HOXA2: variants seen among roughly 807,000 people sequenced by gnomAD.
HOXA2 encodes the protein homeobox A2.
HOXA2 carries 4 observed loss-of-function variants against 27.2 expected under a neutral mutation model. The ratio of observed to expected loss-of-function variants is 0.15; its 90% CI spans 0.07 to 0.34. HOXA2 has a LOEUF of 0.34. HOXA2 is among the 10% of genes least tolerant of loss of function. The pLI, the probability that HOXA2 is intolerant of heterozygous loss-of-function variation, is 1.00. For synonymous variants in HOXA2, 200 were observed against 202.8 expected (o/e 0.99, Z 0.12); for missense variants, 430 against 473.2 (o/e 0.91, Z 0.85).
At position 27,102,048 on chromosome 7, in the gene HOXA2, C is replaced by G; in HGVS notation, c.391+62G>C. The G allele has an allele frequency of 6.3e-7, 1 of 1,595,458 alleles. No individual in the cohort carries two copies. The highest frequency in any genetic ancestry group is 8.5e-7 in the Non-Finnish European group (1 of 1,173,398). ...ACTCTCCCCTCCCCCCACAGCCACT[C>G]TCGGGGCAGCCCGGAGAAGGAAGAG... On this transcript the variant is annotated intron_variant, in intron 1 of 1. Coordinates refer to ENST00000222718, the MANE Select transcript of HOXA2 (RefSeq NM_006735.4). The surrounding 1 kb of genome is among the most constrained non-coding windows in gnomAD (Gnocchi z 4.6).
rs776564857 is a variant in HOXA2, at chr7:27,102,132, G to A, written c.369C>T (p.Gly123=). The A allele has an allele frequency of 1.2e-6, 2 of 1,600,368 alleles. No homozygotes were observed. Among genetic ancestry groups the A allele is most frequent in the African/African-American group, 2.7e-5 (2 of 74,884 alleles). ...GACCTTTGTGGCTGAGGCAAGCAGG[G>A]CCGGTGGCTGCGGCGGTGGCGGCGG... ...AAAAATAAAT[G]PACLSHKESL... Residue 123 remains glycine, a synonymous_variant, in exon 1 of 2, where the codon GGC becomes GGT. Coordinates refer to ENST00000222718, the MANE Select transcript of HOXA2 (RefSeq NM_006735.4). The surrounding 1 kb of genome is among the most constrained non-coding windows in gnomAD (Gnocchi z 4.6).
chr7:27,101,040 G>T lies in HOXA2; in HGVS notation c.817C>A (p.Pro273Thr). ...TCATTGCTGGTTAAAGGCGAGACTGGGAAACTTTGGGAGTCGCCATTGTGT... is the reference window on the plus strand; with the variant it reads ...TCATTGCTGGTTAAAGGCGAGACTGTGAAACTTTGGGAGTCGCCATTGTGT... ...NGHNGDSQSF[P>T]VSPLTSNEKN... Residue 273 changes from proline to threonine, a missense_variant, in exon 2 of 2, where the codon CCA (proline) becomes ACA (threonine). Pro to Thr is a conservative substitution (Grantham distance 38). Transcript: ENST00000222718. 6.2e-7 allele frequency: 1 copy of T among 1,614,212 alleles called. No individual in the cohort carries two copies. Among genetic ancestry groups the T allele is most frequent in the Non-Finnish European group, 8.5e-7 (1 of 1,180,042 alleles).
rs1783905558 is a variant in HOXA2 at position 27,100,408 on chromosome 7, C to T, written c.*318G>A. The T allele has an allele frequency of 3.2e-5, 10 of 314,898 alleles. No individual in the cohort carries two copies. In the South Asian group the frequency reaches 3.6e-4, roughly 11 times the overall value. The allele number at this position is 314,898 out of a possible 1,614,324, so 19.5% of individuals were successfully genotyped here. A position where few individuals can be genotyped will look rare whatever the true frequency, so the allele number is the denominator to read the frequency against. The stretch of plus-strand genomic sequence containing the variant: ...AAAAAATATGCATGACAATGCATCC[C>T]AATGTAATACAAAAATAAAAAGAAA... On this transcript the variant is annotated 3_prime_UTR_variant, in exon 2 of 2. Transcript: ENST00000222718.
chr7:27,100,638 T>C lies in HOXA2; in HGVS notation c.*88A>G. 1.4e-6 allele frequency: 2 copies of C among 1,457,620 alleles called. No homozygotes were observed. 90.3% of individuals were successfully genotyped at this position (1,457,620 alleles called of 1,614,324 possible). A position where few individuals can be genotyped will look rare whatever the true frequency, so the allele number is the denominator to read the frequency against. ...GGGAAGGGGTAGGTCAAGAAGAAAA[T>C]AAAAAATAAACTCCCAAATAAAAGA... On this transcript the variant is annotated 3_prime_UTR_variant, in exon 2 of 2. Coordinates refer to ENST00000222718, the MANE Select transcript of HOXA2 (RefSeq NM_006735.4).
Position 27,102,311 on chromosome 7 carries a change from G to A in HOXA2, c.190C>T (p.His64Tyr). Reference protein sequence around the residue: ...QTIPSLNPGSHPRHGAGGRPK... With the variant: ...QTIPSLNPGSYPRHGAGGRPK... The stretch of plus-strand genomic sequence containing the variant: ...CGGCCGCCAGCGCCGTGGCGAGGGT[G>A]ACTGCCGGGGTTCAGGCTGGGAATG... Residue 64 changes from histidine to tyrosine, a missense_variant, in exon 1 of 2, where the codon CAC becomes TAC. Transcript: ENST00000222718. The surrounding 1 kb of genome is among the most constrained non-coding windows in gnomAD (Gnocchi z 4.6). 6.2e-7 allele frequency: 1 copy of A among 1,612,586 alleles called. No individual in the cohort carries two copies. The highest frequency in any genetic ancestry group is 8.5e-7 in the Non-Finnish European group (1 of 1,179,226).
rs760763670 is a variant in HOXA2 at position 27,101,215 on chromosome 7, A to G, written c.642T>C (p.Cys214=). Residue 214 remains cysteine, a synonymous_variant, in exon 2 of 2, where the codon TGT becomes TGC. Coordinates refer to ENST00000222718, the MANE Select transcript of HOXA2 (RefSeq NM_006735.4). The part of the protein sequence containing the change: ...CKENQNSEGK[C]KSLEDSEKVE... ...CTTTCTCGGAGTCCTCAAGGCTTTT[A>G]CATTTCCCTTCGCTGTTTTGGTTTT... 2 of 1,614,102 alleles carry G rather than the reference A, an allele frequency of 1.2e-6. No individual in the cohort carries two copies. The highest frequency in any genetic ancestry group is 4.5e-5 in the East Asian group (2 of 44,880).
chr7:27,102,623 A>G lies in HOXA2; in HGVS notation c.-123T>C. 1.1e-6 allele frequency: 1 copy of G among 940,010 alleles called. No individual in the cohort carries two copies. The highest frequency in any genetic ancestry group is 1.6e-6 in the Non-Finnish European group (1 of 612,168). The allele number at this position is 940,010 out of a possible 1,614,324, so 58.2% of individuals were successfully genotyped here. On this transcript the variant is annotated 5_prime_UTR_variant, in exon 1 of 2. Coordinates refer to ENST00000222718, the MANE Select transcript of HOXA2 (RefSeq NM_006735.4). This position sits in a 1 kb window ranked among gnomAD's most constrained non-coding sequence, Gnocchi z 4.6. ...AAATCTATCATAGAATATCGCTGCTAGGGTGTTTTTTTTCTAATTCACTGA... is the reference window on the plus strand; with the variant it reads ...AAATCTATCATAGAATATCGCTGCTGGGGTGTTTTTTTTCTAATTCACTGA...
Position 27,100,410 on chromosome 7 carries a change from A to G in HOXA2, c.*316T>C, listed in dbSNP as rs141414600. The G allele has an allele frequency of 9.6e-4, 316 of 329,392 alleles. 5 individuals carry two copies. The East Asian group carries it at 0.021, about 22-fold the overall frequency. The allele number at this position is 329,392 out of a possible 1,614,324, so 20.4% of individuals were successfully genotyped here. On this transcript the variant is annotated 3_prime_UTR_variant, in exon 2 of 2. Transcript: ENST00000222718. ...AAAATATGCATGACAATGCATCCCA[A>G]TGTAATACAAAAATAAAAAGAAAGT... is the stretch of plus-strand genomic sequence containing the variant.
At position 27,102,090 on chromosome 7, in the gene HOXA2, G is replaced by A. The variant is rs773102422; in HGVS notation, c.391+20C>T. The A allele has an allele frequency of 5.9e-5, 95 of 1,606,704 alleles. No homozygotes were observed. Among genetic ancestry groups the A allele is most frequent in the Non-Finnish European group, 7.5e-5 (88 of 1,177,590 alleles). ...AAGGAAGAGGGTCCCAGAGACCTGGGGCCAAGTCTTTGGACTGACCTTTGT... is the reference window on the plus strand; with the variant it reads ...AAGGAAGAGGGTCCCAGAGACCTGGAGCCAAGTCTTTGGACTGACCTTTGT... On this transcript the variant is annotated intron_variant, in intron 1 of 1. Transcript: ENST00000222718. The surrounding 1 kb of genome is among the most constrained non-coding windows in gnomAD (Gnocchi z 4.6).
intron 1 of HOXA2, 141 bp downstream of exon 1, chr7:27,101,969 G>C: frequency 8.3e-7 from 1 of 1,212,006 alleles, no homozygotes; most frequent in Non-Finnish European, 1.2e-6. Flanking sequence ...GAACCCACAG[G>C]GGCAGGGACA....
At position 27,100,845 on chromosome 7, in the gene HOXA2, C is replaced by G. The variant is rs201504673; in HGVS notation, c.1012G>C (p.Asp338His). 3.1e-6 allele frequency: 5 copies of G among 1,614,238 alleles called. No individual in the cohort carries two copies. Among genetic ancestry groups the G allele is most frequent in the East Asian group, 2.2e-5 (1 of 44,880 alleles). ...CCTGGCAAACTGGGTGAAACTGCAT[C>G]TGAAAGCTGCAGGCAGGAATCTGTG... ...FSTDSCLQLS[D>H]AVSPSLPGSL... Residue 338 changes from aspartate (D) to histidine (H), a missense_variant, in exon 2 of 2, where the codon GAT (aspartate) becomes CAT (histidine). Coordinates refer to ENST00000222718, the MANE Select transcript of HOXA2 (RefSeq NM_006735.4).
Position 27,100,992 on chromosome 7 carries a change from G to A in HOXA2, c.865C>T (p.His289Tyr), listed in dbSNP as rs760415353. The change falls in exon 2 of 2, where the codon CAC becomes TAC. Residue 289 changes from histidine (H) to tyrosine (Y), a missense_variant. By Grantham distance (83) the His-to-Tyr change is moderately conservative. Around this residue, in one of 4 missense-constraint regions of HOXA2, gnomAD observed 236 missense variants for 208.5 expected, o/e 1.13. Coordinates refer to ENST00000222718, the MANE Select transcript of HOXA2 (RefSeq NM_006735.4). Reference sequence around the variant, plus strand: ...CAGTTGGGAACAGTGGGTGACTGGTGCTGAAAATGTTTCAGATTTTTCTCA... The same window carrying A: ...CAGTTGGGAACAGTGGGTGACTGGTACTGAAAATGTTTCAGATTTTTCTCA... ...SNEKNLKHFQ[H>Y]QSPTVPNCLS... 9.4e-5 allele frequency: 151 copies of A among 1,614,096 alleles called. 1 individual carries two copies. In the Admixed American group the frequency reaches 2.5e-3, roughly 27 times the overall value.
At position 27,100,465 on chromosome 7, in the gene HOXA2, C is replaced by T; in HGVS notation, c.*261G>A. The T allele has an allele frequency of 2.1e-6, 1 of 477,150 alleles. No homozygotes were observed. Among genetic ancestry groups the T allele is most frequent in the Non-Finnish European group, 3.8e-6 (1 of 266,220 alleles). The allele number at this position is 477,150 out of a possible 1,614,324, so 29.6% of individuals were successfully genotyped here. On this transcript the variant is annotated 3_prime_UTR_variant, in exon 2 of 2. Coordinates refer to ENST00000222718, the MANE Select transcript of HOXA2 (RefSeq NM_006735.4). ...ATACAATTATATGATCACTTTCTTGCAGGCCTCATACTGCTCTCAGGAATC... is the reference window on the plus strand; with the variant it reads ...ATACAATTATATGATCACTTTCTTGTAGGCCTCATACTGCTCTCAGGAATC...
rs1783920667 is a variant in HOXA2 at position 27,101,209 on chromosome 7, G to C, written c.648C>G (p.Ser216Arg). ...ENQNSEGKCK[S>R]LEDSEKVEED... ...CCTCTACTTTCTCGGAGTCCTCAAG[G>C]CTTTTACATTTCCCTTCGCTGTTTT... The change falls in exon 2 of 2, where the codon AGC (serine) becomes AGG (arginine). Residue 216 changes from serine (S) to arginine (R), a missense_variant. By Grantham distance (110) the Ser-to-Arg change is moderately radical. This residue lies in a region of HOXA2 where 236 missense variants were observed against 208.5 expected (regional missense o/e 1.13). Transcript: ENST00000222718. 6 of 1,614,010 alleles carry C rather than the reference G, an allele frequency of 3.7e-6. No individual in the cohort carries two copies. Among genetic ancestry groups the C allele is most frequent in the Non-Finnish European group, 5.1e-6 (6 of 1,180,026 alleles).
At position 27,102,213 on chromosome 7, in the gene HOXA2, G is replaced by A. The variant is rs1783941246; in HGVS notation, c.288C>T (p.Pro96=). The A allele has an allele frequency of 2.0e-6, 3 of 1,520,330 alleles. No homozygotes were observed. The highest frequency in any genetic ancestry group is 2.6e-6 in the Non-Finnish European group (3 of 1,134,926). 94.2% of individuals were successfully genotyped at this position (1,520,330 alleles called of 1,614,324 possible). The change falls in exon 1 of 2, where the codon CCC becomes CCT. Residue 96 remains proline, a synonymous_variant. Transcript: ENST00000222718. The surrounding 1 kb of genome is among the most constrained non-coding windows in gnomAD (Gnocchi z 4.6). ...PAGALQPPEY[P]WMKEKKAAKK... ...TGGCCGCCTTCTTCTCCTTCATCCAGGGGTACTCGGGCGGCTGCAGGGCGC... is the reference window on the plus strand; with the variant it reads ...TGGCCGCCTTCTTCTCCTTCATCCAAGGGTACTCGGGCGGCTGCAGGGCGC...
chr7:27,101,645 G>T, intron 1 of HOXA2, 180 bp from the exon 2 acceptor site: 2 of 738,202 alleles, frequency 2.7e-6, no homozygotes, highest in Non-Finnish European at 4.7e-6. Context: ...GGCAGACCCC[G>T]TCTCCTCCAT....
rs138940688 is a variant in HOXA2 at position 27,100,890 on chromosome 7, G to T, written c.967C>A (p.Gln323Lys). ...SPEALEVPSL[Q>K]DFSVFSTDSC... ...TCTGTGGAGAAAACGCTAAAGTCCT[G>T]CAAAGAGGGGACCTCAAGGGCCTCA... Residue 323 changes from glutamine (Q) to lysine (K), a missense_variant, in exon 2 of 2, where the codon CAG becomes AAG. This residue lies in a region of HOXA2 where 236 missense variants were observed against 208.5 expected (regional missense o/e 1.13). Transcript: ENST00000222718. The T allele has an allele frequency of 1.2e-6, 2 of 1,614,246 alleles. No homozygotes were observed. Among genetic ancestry groups the T allele is most frequent in the Non-Finnish European group, 1.7e-6 (2 of 1,180,044 alleles).
intron 1 of HOXA2, 28 bp from the exon 2 acceptor site, chr7:27,101,493 A>G: frequency 1.9e-6 from 3 of 1,598,812 alleles, no homozygotes; most frequent in Non-Finnish European, 2.5e-6. Context: ...AACAAGAGAC[A>G]CACGCACAGT....
rs934770381 is a variant in HOXA2 at position 27,102,562 on chromosome 7, G to A, written c.-62C>T. 2.6e-6 allele frequency: 4 copies of A among 1,541,126 alleles called. No individual in the cohort carries two copies. Among genetic ancestry groups the A allele is most frequent in the South Asian group, 2.2e-5 (2 of 89,536 alleles). ...CCTCTTTTGGAGGGGCTTTGGGGGG[G>A]CAAGGCCTAGGAAAAAGGCGAGCGC... On this transcript the variant is annotated 5_prime_UTR_variant, in exon 1 of 2. Coordinates refer to ENST00000222718, the MANE Select transcript of HOXA2 (RefSeq NM_006735.4). The surrounding 1 kb of genome is among the most constrained non-coding windows in gnomAD (Gnocchi z 4.6).
Sources: allele counts gnomAD v4.1 joint callset, GRCh38; gene constraint gnomAD v4.1.1; regional missense constraint gnomAD v4.1.1; non-coding constraint Gnocchi (gnomAD v3.1); transcripts MANE v1.5; gene names NCBI Gene and HGNC (gene_info 2026-07-23, HGNC 2026-07-21).